Variants in AGTPBP1 observed in about 807,000 individuals in gnomAD.
AGTPBP1 encodes cytosolic carboxypeptidase 1.
Under a neutral mutation model 143.9 loss-of-function variants are expected in AGTPBP1, and 70 were observed. The observed-to-expected ratio is 0.49, with a 90% confidence interval of 0.40 to 0.59. The LOEUF is 0.59. Among genes scored for constraint, AGTPBP1 ranks in the 20% least tolerant of loss-of-function variants. The pLI is 0.00. For missense variants in AGTPBP1, 1,229 were observed against 1,464.5 expected (o/e 0.84, Z 2.62); for synonymous variants, 463 against 500.2 (o/e 0.93, Z 0.99).
intron 11 of AGTPBP1, among the ~76,000 whole-genome samples, chr9:85,650,540 T>C (rs1587828373): frequency 6.6e-6 from 1 of 152,230 alleles, no homozygotes; most frequent in Non-Finnish European, 1.5e-5. Context: ...CTGTTTATGT[T>C]ATCAGTAAGG....
intron 17 of AGTPBP1, among the ~76,000 whole-genome samples, chr9:85,607,538 A>G (rs1194341056): frequency 6.6e-6 from 1 of 152,134 alleles, no homozygotes; most frequent in Non-Finnish European, 1.5e-5. Context: ...CATTAGTGAA[A>G]GGATAAACCT....
chr9:85,672,415 A>C (rs113208077), intron 7 of AGTPBP1, 135 bp downstream of exon 7: 5 of 1,013,974 alleles, frequency 4.9e-6, no homozygotes, highest in African/African-American at 4.9e-5. Flanking sequence ...TGGAGTCAAG[A>C]GTTAAAATGA....
chr9:85,698,672 C>A (rs959298912), intron 2 of AGTPBP1, among the ~76,000 whole-genome samples: 2 of 146,928 alleles, frequency 1.4e-5, no homozygotes, highest in Non-Finnish European at 3.0e-5. Context: ...ATCTTCCCCA[C>A]CTAACCCTTT....
chr9:85,732,441 G>A (rs1401547502), intron 1 of AGTPBP1, among the ~76,000 whole-genome samples: 1 of 151,776 alleles, frequency 6.6e-6, no homozygotes, highest in Non-Finnish European at 1.5e-5. Flanking sequence ...GGACTATGAA[G>A]AAACCACTAT....
the AGTPBP1 span, among the ~76,000 whole-genome samples, chr9:85,764,516 G>A: frequency 3.3e-5 from 5 of 152,096 alleles, no homozygotes; most frequent in East Asian, 9.7e-4. Context: ...GGGAACAAGA[G>A]CAAAACTCCA....
intron 7 of AGTPBP1, among the ~76,000 whole-genome samples, chr9:85,671,894 C>T (rs560401627): frequency 6.6e-6 from 1 of 152,160 alleles, no homozygotes. Flanking sequence ...GCATCCTTTC[C>T]TTCTAGGCTT....
intron 19 of AGTPBP1, 37 bp downstream of exon 19, chr9:85,592,523 C>T: frequency 7.0e-7 from 1 of 1,434,760 alleles, no homozygotes; most frequent in Non-Finnish European, 9.4e-7. Context: ...TTATCTTATA[C>T]ATATCCATAT....
intron 1 of AGTPBP1, among the ~76,000 whole-genome samples, chr9:85,717,452 T>A (rs1377940132): frequency 6.6e-6 from 1 of 152,178 alleles, no homozygotes; most frequent in African/African-American, 2.4e-5. Flanking sequence ...CAGTGAGCTG[T>A]GTTCACACCA....
intron 24 of AGTPBP1, 63 bp from the exon 25 acceptor site, chr9:85,575,538 A>G: frequency 7.5e-7 from 1 of 1,327,444 alleles, no homozygotes; most frequent in Non-Finnish European, 1.0e-6. Context: ...ATACAGCTCA[A>G]TGAAATTATA....
At position 85,636,259 on chromosome 9, in the gene AGTPBP1, CTTTTT is replaced by C. The variant is rs35445993; in HGVS notation, c.1303-2890_1303-2886del. Among the ~76,000 whole-genome samples, 748 of 118,538 alleles carry C rather than the reference CTTTTT, an allele frequency of 6.3e-3. 4 individuals carry two copies. The highest frequency in any genetic ancestry group is 0.02 in the African/African-American group (636 of 32,298). 77.8% of individuals were successfully genotyped at this position (118,538 alleles called of 152,430 possible). A position where few individuals can be genotyped will look rare whatever the true frequency, so the allele number is the denominator to read the frequency against. On this transcript the variant is annotated intron_variant, in intron 13 of 25. Coordinates refer to ENST00000357081, the MANE Select transcript of AGTPBP1 (RefSeq NM_001330701.2). ...TGATTAAATGCATTTTGTAAGGTTT[CTTTTT>C]TTTTTTTTTTTTTTTTGAGAGGGAG...
the AGTPBP1 span, among the ~76,000 whole-genome samples, chr9:85,788,622 A>G: frequency 6.7e-6 from 1 of 149,682 alleles, no homozygotes; most frequent in Non-Finnish European, 1.5e-5. Context: ...ACCTTTTACC[A>G]TTATAATATA....
the AGTPBP1 span, among the ~76,000 whole-genome samples, chr9:85,772,045 G>A: frequency 1.4e-5 from 2 of 144,740 alleles, no homozygotes; most frequent in Admixed American, 7.0e-5. Context: ...GTGTGATCTC[G>A]GCTCACTGCA....
At chr9:85,562,896 G>A (rs1826835505) in intron 25 of AGTPBP1, among the ~76,000 whole-genome samples, 1 of 152,142 alleles carries the variant, frequency 6.6e-6, no homozygotes, top group African/African-American at 2.4e-5. Context: ...GCCTTTGGGA[G>A]GTGATCAGGT....
chr9:85,745,547 C>T (rs758848850), upstream of AGTPBP1, among the ~76,000 whole-genome samples: 12 of 152,316 alleles, frequency 7.9e-5, no homozygotes, highest in Non-Finnish European at 1.6e-4. Context: ...GTAGTACAAA[C>T]GACCAGAGCT....
chr9:85,760,196 A>C, the AGTPBP1 span, among the ~76,000 whole-genome samples: 4 of 152,188 alleles, frequency 2.6e-5, no homozygotes, highest in African/African-American at 9.7e-5. Context: ...AGGTACAAGG[A>C]GGAGCTGGTA....
the AGTPBP1 span, chr9:85,773,986 AG>A: frequency 6.2e-7 from 1 of 1,611,148 alleles, no homozygotes; most frequent in Admixed American, 1.7e-5. Context: ...CTGACCCTCC[AG>A]CAAAAGGAGC....
chr9:85,770,616 G>A, the AGTPBP1 span: 2 of 575,868 alleles, frequency 3.5e-6, no homozygotes, highest in South Asian at 4.9e-5. Context: ...CTACAAATTT[G>A]AGCATGATTT....
Position 85,546,991 on chromosome 9 carries a change from G to T in AGTPBP1, c.*118C>A. ...TTATCTTGAAACCAAACTGGCCCAA[G>T]TTACTTTTTGTCTTTTTGAGTCAGC... On this transcript the variant is annotated 3_prime_UTR_variant, in exon 26 of 26. Transcript: ENST00000357081. 9.7e-7 allele frequency: 1 copy of T among 1,033,492 alleles called. No homozygotes were observed. The highest frequency in any genetic ancestry group is 1.3e-6 in the Non-Finnish European group (1 of 764,472). The allele number at this position is 1,033,492 out of a possible 1,614,324, so 64.0% of individuals were successfully genotyped here. A position where few individuals can be genotyped will look rare whatever the true frequency, so the allele number is the denominator to read the frequency against.
chr9:85,566,308 C>A (rs1406972215), intron 25 of AGTPBP1, among the ~76,000 whole-genome samples: 1 of 151,932 alleles, frequency 6.6e-6, no homozygotes, highest in Admixed American at 6.6e-5. Context: ...CTGCTCGAGC[C>A]CAGGAGTTCA....
Sources: allele counts gnomAD v4.1 joint callset (sites outside exome capture counted in the v4.1 genomes callset), GRCh38; gene constraint gnomAD v4.1.1; transcripts MANE v1.5; gene names NCBI Gene and HGNC (gene_info 2026-07-23, HGNC 2026-07-21).